ADAMTS10: variants seen among roughly 807,000 people sequenced by gnomAD.
ADAMTS10 encodes ADAM metallopeptidase with thrombospondin type 1 motif 10, also known as A disintegrin and metalloproteinase with thrombospondin motifs 10.
A neutral mutation model predicts 135.9 loss-of-function variants in ADAMTS10; 48 were observed. The observed-to-expected ratio is 0.35, with a 90% confidence interval of 0.28 to 0.45. ADAMTS10 has a LOEUF of 0.45. Ranked by LOEUF, ADAMTS10 falls within the 20% of genes least tolerant of loss-of-function variation. The pLI is 1.00. For missense variants in ADAMTS10, 1,131 were observed against 1,565.2 expected (o/e 0.72, Z 4.68); for synonymous variants, 621 against 647.5 (o/e 0.96, Z 0.62).
In ADAMTS10 at chr19:8,596,864, T is replaced by C. The variant is rs772426493; in HGVS notation, c.1040+123A>G. On this transcript the variant is annotated intron_variant, in intron 8 of 25. Transcript: ENST00000597188. The surrounding 1 kb of genome is among the most constrained non-coding windows in gnomAD (Gnocchi z 7.2). ...CCCCTCCCCATCCCTGGCTCCCTCA[T>C]GGGCAGCCCAAACTTCTCTGCTCCT... 1.3e-6 allele frequency: 2 copies of C among 1,490,210 alleles called. No individual in the cohort carries two copies. The highest frequency in any genetic ancestry group is 1.8e-6 in the Non-Finnish European group (2 of 1,090,306). The allele number at this position is 1,490,210 out of a possible 1,614,324, so 92.3% of individuals were successfully genotyped here. A position where few individuals can be genotyped will look rare whatever the true frequency, so the allele number is the denominator to read the frequency against.
At chr19:8,595,929 A>G (rs1555740042) in intron 11 of ADAMTS10, 26 bp from the exon 12 acceptor site, 1 of 1,614,186 alleles carries the variant, frequency 6.2e-7, no homozygotes, top group Admixed American at 1.7e-5. Context: ...AGCAACTGTC[A>G]TGCTAGGTGG....
intron 2 of ADAMTS10, among the ~76,000 whole-genome samples, chr19:8,607,558 CAG>C (rs1210381156): frequency 6.6e-6 from 1 of 152,162 alleles, no homozygotes; most frequent in Non-Finnish European, 1.5e-5. Flanking sequence ...CCCTTAATCA[CAG>C]AGTCTTGTTT....
Position 8,591,841 on chromosome 19 carries a change from A to G in ADAMTS10, c.1756T>C (p.Cys586Arg). 6.2e-7 allele frequency: 1 copy of G among 1,613,746 alleles called. No homozygotes were observed. The highest frequency in any genetic ancestry group is 8.5e-7 in the Non-Finnish European group (1 of 1,180,012). The change falls in exon 15 of 26, where the codon TGT (cysteine) becomes CGT (arginine). Residue 586 changes from cysteine to arginine, a missense_variant. Transcript: ENST00000597188. The stretch of plus-strand genomic sequence containing the variant: ...CGGTGCCGCCTTCTCTCACCCAGAC[A>G]GTACTTGCCCCCGATGGTTGGCCTG... ...SPRPTIGGKYCLGERRRHRSC... is the reference protein window; with the variant it reads ...SPRPTIGGKYRLGERRRHRSC...
intron 15 of ADAMTS10, 127 bp downstream of exon 15, chr19:8,591,673 C>T: frequency 1.8e-6 from 2 of 1,123,700 alleles, no homozygotes; most frequent in Non-Finnish European, 2.6e-6. Flanking sequence ...ATCTCCTGAC[C>T]TCGTGATCCG....
chr19:8,600,678 T>G (rs2042657463), intron 6 of ADAMTS10, among the ~76,000 whole-genome samples: 1 of 151,944 alleles, frequency 6.6e-6, no homozygotes, highest in Non-Finnish European at 1.5e-5. Context: ...TTTTGTATTT[T>G]TAGTAGAGAT....
intron 12 of ADAMTS10, among the ~76,000 whole-genome samples, chr19:8,594,246 GCCT>G (rs1555739743): frequency 6.6e-6 from 1 of 152,092 alleles, no homozygotes; most frequent in Admixed American, 6.6e-5. Context: ...CCCTCTCTGG[GCCT>G]CAGTTTACTC....
intron 12 of ADAMTS10, 73 bp downstream of exon 12, chr19:8,595,689 T>A: frequency 2.7e-4 from 355 of 1,305,592 alleles, no homozygotes; most frequent in Non-Finnish European, 3.5e-4. Flanking sequence ...GTGGGTGCCC[T>A]GGTGGAGTTC....
At position 8,596,089 on chromosome 19, in the gene ADAMTS10, T is replaced by C. The variant is rs142981402; in HGVS notation, c.1321A>G (p.Ile441Val). ...CATCCTCACTCTAGAAAGCTGGTGA[T>C]GTAGTCACGGCTGCAGGATGACCAC... is the stretch of plus-strand genomic sequence containing the variant. ...FVWSSCSRDY[I>V]TSFLDSGLGL... is the part of the protein sequence containing the mutation. Residue 441 changes from isoleucine (I) to valine (V), a missense_variant, in exon 11 of 26, where the codon ATC (isoleucine) becomes GTC (valine). Ile to Val is a conservative substitution (Grantham distance 29). This residue lies in a region of ADAMTS10 where 745 missense variants were observed against 1,056.3 expected (regional missense o/e 0.71). Coordinates refer to ENST00000597188, the MANE Select transcript of ADAMTS10 (RefSeq NM_030957.4). The surrounding 1 kb of genome is among the most constrained non-coding windows in gnomAD (Gnocchi z 7.2). 6.8e-6 allele frequency: 11 copies of C among 1,614,076 alleles called. No homozygotes were observed. The highest frequency in any genetic ancestry group is 9.3e-6 in the Non-Finnish European group (11 of 1,180,038).
intron 18 of ADAMTS10, among the ~76,000 whole-genome samples, chr19:8,588,312 C>T (rs893480840): frequency 3.2e-4 from 49 of 151,840 alleles, no homozygotes; most frequent in African/African-American, 1.1e-3. Context: ...TCTCAAACTC[C>T]TGGGCTCAAG....
intron 1 of ADAMTS10, among the ~76,000 whole-genome samples, 194 bp downstream of exon 1, chr19:8,610,450 G>A (rs1331499037): frequency 1.0e-4 from 9 of 87,600 alleles, no homozygotes; most frequent in Non-Finnish European, 1.5e-4. Flanking sequence ...CACACACAGC[G>A]CAAACAAACC....
intron 15 of ADAMTS10, among the ~76,000 whole-genome samples, chr19:8,590,358 C>G (rs1368760718): frequency 1.3e-5 from 2 of 152,198 alleles, no homozygotes; most frequent in Non-Finnish European, 2.9e-5. Context: ...ATTGCAACCT[C>G]CATCTCCTGG....
Position 8,605,381 on chromosome 19 carries a change from TG to T in ADAMTS10, c.89-24del. On this transcript the variant is annotated intron_variant, in intron 3 of 25. Coordinates refer to ENST00000597188, the MANE Select transcript of ADAMTS10 (RefSeq NM_030957.4). This position sits in a 1 kb window ranked among gnomAD's most constrained non-coding sequence, Gnocchi z 7.7. ...CATCTGTGGGTGAGGGTCAGAGGCC[TG>T]GGGTGGGCCCTGGTCTTATTGGACC... 6.4e-7 allele frequency: 1 copy of T among 1,571,542 alleles called. No individual in the cohort carries two copies.
In ADAMTS10 at chr19:8,585,165, GGGGCAGC is replaced by G; in HGVS notation, c.3002_3008del (p.Arg1001ProfsTer70). ...ACTCGCCAGCCACCCAGCGGGCCGG[GGGGCAGC>G]GGCGCAAGTTGCAGCGCATGGTGGC... On this transcript the variant is annotated frameshift_variant, in exon 24 of 26. Transcript: ENST00000597188. LOFTEE classifies it high-confidence loss of function. 1 of 1,410,660 alleles carries G rather than the reference GGGGCAGC, an allele frequency of 7.1e-7. No individual in the cohort carries two copies. Among genetic ancestry groups the G allele is most frequent in the East Asian group, 2.7e-5 (1 of 36,552 alleles). 87.4% of individuals were successfully genotyped at this position (1,410,660 alleles called of 1,614,324 possible).
At chr19:8,593,331 G>T (rs559519877) in intron 12 of ADAMTS10, 1 of 170,046 alleles carries the variant, frequency 5.9e-6, no homozygotes, top group African/African-American at 2.4e-5. Flanking sequence ...TTTATGGGAT[G>T]GGCAAAGTAG....
chr19:8,595,703 CCCCCA>C, intron 12 of ADAMTS10, 54 bp downstream of exon 12: 2 of 921,886 alleles, frequency 2.2e-6, no homozygotes, highest in Non-Finnish European at 3.3e-6. Flanking sequence ...GGAGTTCCCT[CCCCCA>C]GCCCCAGCGG....
intron 12 of ADAMTS10, chr19:8,593,109 A>T (rs2042563492): frequency 1.7e-6 from 1 of 582,704 alleles, no homozygotes; most frequent in Admixed American, 2.9e-5. Context: ...ATACCTCTTT[A>T]GGCAGTACTA....
intron 25 of ADAMTS10, 89 bp from the exon 26 acceptor site, chr19:8,581,091 G>T: frequency 1.8e-6 from 1 of 568,126 alleles, no homozygotes; most frequent in Non-Finnish European, 3.0e-6. Flanking sequence ...TTCCTGGCCA[G>T]TGACTTTCTG....
intron 6 of ADAMTS10, among the ~76,000 whole-genome samples, chr19:8,599,375 G>A (rs1351363117): frequency 3.9e-5 from 6 of 152,190 alleles, no homozygotes; most frequent in African/African-American, 1.4e-4. Context: ...TTGTTGCCCA[G>A]GCTGGAGTGC....
In ADAMTS10 at chr19:8,605,121, C is replaced by A. The variant is rs371686886; in HGVS notation, c.326G>T (p.Arg109Leu). 1 of 1,613,522 alleles carries A rather than the reference C, an allele frequency of 6.2e-7. No individual in the cohort carries two copies. Among genetic ancestry groups the A allele is most frequent in the Non-Finnish European group, 8.5e-7 (1 of 1,179,838 alleles). The change falls in exon 4 of 26, where the codon CGG becomes CTG. Residue 109 changes from arginine to leucine, a missense_variant. Arg to Leu is a moderately radical substitution (Grantham distance 102). Coordinates refer to ENST00000597188, the MANE Select transcript of ADAMTS10 (RefSeq NM_030957.4). The surrounding 1 kb of genome is among the most constrained non-coding windows in gnomAD (Gnocchi z 7.7). The part of the protein sequence containing the change: ...AGHVSVEYWT[R>L]EGLAWQRAAR... ...CGCCCTCTGCCAGGCCAGGCCCTCC[C>A]GTGTCCAGTACTCCACGGAGACGTG...
Sources: gnomAD v4.1 joint callset for allele counts (sites outside exome capture counted in the v4.1 genomes callset) on GRCh38, gnomAD v4.1.1 for gene constraint, gnomAD v4.1.1 regional missense constraint, Gnocchi (gnomAD v3.1) non-coding constraint, MANE v1.5 for transcripts, NCBI Gene and HGNC (gene_info 2026-07-23, HGNC 2026-07-21) for gene names.